TLN2: variants seen among roughly 807,000 people sequenced by gnomAD.
The protein encoded by TLN2 is talin 2.
A neutral mutation model predicts 294.7 loss-of-function variants in TLN2; 118 were observed. The ratio of observed to expected loss-of-function variants is 0.40; its 90% CI spans 0.34 to 0.47. The LOEUF is 0.47. Among genes scored for constraint, TLN2 ranks in the 20% least tolerant of loss-of-function variants. The pLI is 0.84. For missense variants in TLN2, 3,083 were observed against 3,282.2 expected (o/e 0.94, Z 1.48); for synonymous variants, 1,431 against 1,304.5 (o/e 1.10, Z -2.09).
In TLN2 at chr15:62,707,012, A is replaced by G. The variant is rs1026346351; in HGVS notation, c.2005-74A>G. ...AGGAAAAAGATCAAATGGAATTTTA[A>G]TAACGTTTATTTTCAGGCTGTGAAA... is the stretch of plus-strand genomic sequence containing the variant. On this transcript the variant is annotated intron_variant, in intron 19 of 58. Transcript: ENST00000636159. 6 of 1,461,556 alleles carry G rather than the reference A, an allele frequency of 4.1e-6. No homozygotes were observed. The African/African-American group carries it at 5.7e-5, about 14-fold the overall frequency. 90.5% of individuals were successfully genotyped at this position (1,461,556 alleles called of 1,614,324 possible).
At position 62,739,475 on chromosome 15, in the gene TLN2, C is replaced by T. The variant is rs770351196; in HGVS notation, c.3815C>T (p.Ala1272Val). The T allele has an allele frequency of 6.2e-7, 1 of 1,614,172 alleles. No individual in the cohort carries two copies. Among genetic ancestry groups the T allele is most frequent in the South Asian group, 1.1e-5 (1 of 91,084 alleles). ...TRGQSGELAA[A>V]SGKFSDDFDE... ...GGCCAGAGTGGAGAGTTGGCTGCAG[C>T]CTCTGGAAAGTTCAGTGATGATTTT... Residue 1272 changes from alanine (A) to valine (V), a missense_variant, in exon 31 of 59, where the codon GCC (alanine) becomes GTC (valine). Physicochemically the swap from Ala to Val is moderately conservative, Grantham distance 64 (BLOSUM62 0). Transcript: ENST00000636159.
At chr15:62,561,659 C>G (rs1041141968) in intron 1 of TLN2, among the ~76,000 whole-genome samples, 8 of 151,408 alleles carry the variant, frequency 5.3e-5, no homozygotes, top group Non-Finnish European at 4.5e-5. Context: ...AAGTCTGTCT[C>G]TCTCTCTTTT....
intron 3 of TLN2, among the ~76,000 whole-genome samples, chr15:62,625,473 C>T (rs986024084): frequency 6.6e-6 from 1 of 152,136 alleles, no homozygotes; most frequent in Non-Finnish European, 1.5e-5. Flanking sequence ...GCTGTGGTTA[C>T]AGCAAGAAAT....
chr15:62,452,658 T>C (rs886368951), intron 1 of TLN2, among the ~76,000 whole-genome samples: 1 of 152,218 alleles, frequency 6.6e-6, no homozygotes, highest in African/African-American at 2.4e-5. Context: ...GATTTTTGAC[T>C]ACTCTAGGTA....
At chr15:62,692,424 A>G (rs1346158420) in intron 12 of TLN2, among the ~76,000 whole-genome samples, 1 of 152,144 alleles carries the variant, frequency 6.6e-6, no homozygotes, top group Non-Finnish European at 1.5e-5. Flanking sequence ...CAGGTTGTTG[A>G]GCTGGAGTTG....
intron 1 of TLN2, among the ~76,000 whole-genome samples, chr15:62,504,846 T>TGTGA (rs1207922838): frequency 1.9e-4 from 28 of 144,478 alleles, no homozygotes; most frequent in South Asian, 6.6e-4. Flanking sequence ...TGTGTGTGTG[T>TGTGA]GAGAGAGAGA....
At chr15:62,467,185 T>G (rs2037182579) in intron 1 of TLN2, among the ~76,000 whole-genome samples, 1 of 152,220 alleles carries the variant, frequency 6.6e-6, no homozygotes, top group South Asian at 2.1e-4. Flanking sequence ...AGTCCTGGGT[T>G]CTGTGCCTTG....
At chr15:62,665,607 C>T (rs2054529636) in intron 9 of TLN2, among the ~76,000 whole-genome samples, 1 of 152,102 alleles carries the variant, frequency 6.6e-6, no homozygotes, top group Admixed American at 6.6e-5. Context: ...TTTGGGAATT[C>T]CTCGGAAGTA....
chr15:62,432,153 A>C (rs1344403388), intron 1 of TLN2, among the ~76,000 whole-genome samples: 1 of 152,226 alleles, frequency 6.6e-6, no homozygotes, highest in East Asian at 1.9e-4. Flanking sequence ...TTATTAGTGT[A>C]TCTTTATTAG....
chr15:62,651,704 T>C (rs979099589), intron 5 of TLN2, among the ~76,000 whole-genome samples: 7 of 152,110 alleles, frequency 4.6e-5, no homozygotes, highest in East Asian at 3.9e-4. Context: ...TGGAATAAGA[T>C]AGGGTAAACA....
intron 1 of TLN2, among the ~76,000 whole-genome samples, chr15:62,496,925 G>T (rs941018393): frequency 1.2e-4 from 19 of 152,232 alleles, no homozygotes; most frequent in African/African-American, 4.6e-4. Context: ...TTTATTGCAT[G>T]TACACAGGCA....
chr15:62,704,207 A>G (rs1186755005), intron 19 of TLN2, among the ~76,000 whole-genome samples: 2 of 152,160 alleles, frequency 1.3e-5, no homozygotes, highest in South Asian at 4.1e-4. Flanking sequence ...ACGAACTTAT[A>G]TGAACTAACA....
chr15:62,813,284 G>A (rs2066836942), intron 52 of TLN2, among the ~76,000 whole-genome samples: 1 of 152,134 alleles, frequency 6.6e-6, no homozygotes, highest in Non-Finnish European at 1.5e-5. Context: ...TTAAAAGCCT[G>A]CCAGCTGAGT....
chr15:62,621,005 A>AT (rs1169292553), intron 3 of TLN2, among the ~76,000 whole-genome samples: 9 of 150,850 alleles, frequency 6.0e-5, no homozygotes, highest in African/African-American at 9.7e-5. Context: ...CGCCCGGCTA[A>AT]TTTTTTTATA....
chr15:62,620,617 T>TA (rs2140855630), intron 3 of TLN2, among the ~76,000 whole-genome samples: 1 of 152,004 alleles, frequency 6.6e-6, no homozygotes, highest in East Asian at 1.9e-4. Context: ...TAGCGGGCAC[T>TA]ACAGGAGTGT....
chr15:62,621,046 A>G (rs952667038), intron 3 of TLN2, among the ~76,000 whole-genome samples: 6 of 150,880 alleles, frequency 4.0e-5, no homozygotes, highest in African/African-American at 1.5e-4. Flanking sequence ...TCACCATGTT[A>G]GCCAGGATGG....
intron 1 of TLN2, among the ~76,000 whole-genome samples, chr15:62,492,974 AGTT>A (rs1389092126): frequency 6.6e-6 from 1 of 152,000 alleles, no homozygotes; most frequent in Admixed American, 6.6e-5. Flanking sequence ...GGACTCGGAG[AGTT>A]GTTGTGGCCT....
intron 1 of TLN2, among the ~76,000 whole-genome samples, chr15:62,580,409 T>G (rs2044841386): frequency 7.2e-6 from 1 of 139,372 alleles, no homozygotes; most frequent in Non-Finnish European, 1.6e-5. Flanking sequence ...TCTACCTCCC[T>G]CCCTCCCTCC....
chr15:62,749,301 C>G (rs2061789135), intron 33 of TLN2, among the ~76,000 whole-genome samples: 1 of 152,232 alleles, frequency 6.6e-6, no homozygotes, highest in Non-Finnish European at 1.5e-5. Context: ...AGGACCGAAG[C>G]ATTCTGAAAA....
Sources: allele counts gnomAD v4.1 joint callset (sites outside exome capture counted in the v4.1 genomes callset), GRCh38; gene constraint gnomAD v4.1.1; transcripts MANE v1.5; gene names NCBI Gene and HGNC (gene_info 2026-07-23, HGNC 2026-07-21).